Variants in RAB27A observed in about 807,000 individuals in gnomAD.
The protein encoded by RAB27A is RAB27A, member RAS oncogene family.
RAB27A carries 17 observed loss-of-function variants against 20.8 expected under a neutral mutation model. The observed-to-expected ratio is 0.82, with a 90% CI of 0.56 to 1.23. The LOEUF is 1.23. Ranked by LOEUF, RAB27A falls within the 50% of genes most tolerant of loss-of-function variation. The probability of loss-of-function intolerance (pLI) is 0.00; values close to 1 mark genes in which losing one functional copy is unlikely to be tolerated. For missense variants in RAB27A, 277 were observed against 266.7 expected, an observed-to-expected ratio of 1.04 and a Z score of -0.27; for synonymous variants, 85 against 92.8, an observed-to-expected ratio of 0.92 and a Z score of 0.48.
intron 6 of RAB27A, among the ~76,000 whole-genome samples, chr15:55,215,780 T>C (rs1158613515): frequency 6.7e-6 from 1 of 150,282 alleles, no homozygotes; most frequent in Non-Finnish European, 1.5e-5. Flanking sequence ...ACCCCGTCTC[T>C]ACTAAAAATA....
At position 55,217,287 on chromosome 15, in the gene RAB27A, T is replaced by C. The variant is rs74885266; in HGVS notation, c.467+6602A>G. Among the ~76,000 whole-genome samples, 683 of 152,216 alleles carry C rather than the reference T, an allele frequency of 4.5e-3. 11 individuals are homozygous for C. The highest frequency in any genetic ancestry group is 0.016 in the African/African-American group (655 of 41,536). ...CACTCCACTCTCAGCTCTGTGCCAGTAATTGGGCTGTAATCTCATCTAGCA... is the reference window on the plus strand; with the variant it reads ...CACTCCACTCTCAGCTCTGTGCCAGCAATTGGGCTGTAATCTCATCTAGCA... On this transcript the variant is annotated intron_variant, in intron 6 of 6. Coordinates refer to ENST00000336787, the MANE Select transcript of RAB27A (RefSeq NM_183235.3).
chr15:55,266,955 T>G (rs1364796715), intron 2 of RAB27A, among the ~76,000 whole-genome samples: 1 of 152,170 alleles, frequency 6.6e-6, no homozygotes, highest in Non-Finnish European at 1.5e-5. Flanking sequence ...TAATAGTATT[T>G]CCTTAGGCCA....
At chr15:55,303,750 C>T (rs1256601426) in intron 2 of RAB27A, among the ~76,000 whole-genome samples, 3,250 of 131,342 alleles carry the variant, frequency 0.025, 123 homozygotes, top group African/African-American at 0.1. Context: ...AGTGAGGAGC[C>T]CCTCTGCCCG....
chr15:55,208,347 A>C (rs1367852444), intron 6 of RAB27A, among the ~76,000 whole-genome samples: 2 of 152,250 alleles, frequency 1.3e-5, no homozygotes, highest in Admixed American at 6.5e-5. Flanking sequence ...TTTAGCTAAA[A>C]GTAACCGAAA....
chr15:55,218,341 A>G (rs1428539869), intron 6 of RAB27A, among the ~76,000 whole-genome samples: 1 of 152,240 alleles, frequency 6.6e-6, no homozygotes, highest in Non-Finnish European at 1.5e-5. Context: ...AGCTCTGTGA[A>G]TCAGTCTTGT....
intron 6 of RAB27A, among the ~76,000 whole-genome samples, chr15:55,209,929 T>A (rs1379476226): frequency 8.2e-6 from 1 of 122,264 alleles, no homozygotes; most frequent in Admixed American, 7.4e-5. Flanking sequence ...TACACACATA[T>A]ATGTATGTAC....
intron 6 of RAB27A, among the ~76,000 whole-genome samples, chr15:55,209,714 C>A (rs1478964393): frequency 6.7e-6 from 1 of 148,314 alleles, no homozygotes; most frequent in East Asian, 2.0e-4. Context: ...AAGAAAACTT[C>A]CACTAATATA....
intron 1 of RAB27A, among the ~76,000 whole-genome samples, chr15:55,287,004 C>T (rs978062449): frequency 2.0e-5 from 3 of 150,260 alleles, no homozygotes; most frequent in Admixed American, 6.6e-5. Flanking sequence ...ACTGCAACCT[C>T]CGCCTCCTGG....
At chr15:55,211,004 C>T (rs1895000505) in intron 6 of RAB27A, among the ~76,000 whole-genome samples, 2 of 152,148 alleles carry the variant, frequency 1.3e-5, no homozygotes, top group South Asian at 4.1e-4. Context: ...TTCCCAGCAT[C>T]ATTTATTGAA....
rs917405124 is a variant in RAB27A, at chr15:55,270,184, G to A, written c.-42C>T. The A allele has an allele frequency of 3.3e-5, 5 of 151,308 alleles. No individual in the cohort carries two copies. The highest frequency in any genetic ancestry group is 1.9e-4 in the East Asian group (1 of 5,172). The allele number at this position is 151,308 out of a possible 1,614,324, so 9.4% of individuals were successfully genotyped here. A position where few individuals can be genotyped will look rare whatever the true frequency, so the allele number is the denominator to read the frequency against. ...CCATACCTTTACAGGGTAGAGAACC[G>A]CTTGTTATGATTTTCTAAAACGTTA... On this transcript the variant is annotated 5_prime_UTR_variant, in exon 2 of 7. Coordinates refer to ENST00000336787, the MANE Select transcript of RAB27A (RefSeq NM_183235.3).
intron 5 of RAB27A, among the ~76,000 whole-genome samples, chr15:55,225,382 T>C (rs1895756986): frequency 6.6e-6 from 1 of 152,198 alleles, no homozygotes; most frequent in Admixed American, 6.5e-5. Flanking sequence ...CTACTTACTT[T>C]ATACAGTCAA....
upstream of RAB27A, among the ~76,000 whole-genome samples, chr15:55,294,682 C>T (rs550326788): frequency 1.9e-4 from 28 of 143,800 alleles, no homozygotes; most frequent in African/African-American, 6.9e-4. Context: ...CAAAAATTAA[C>T]TCAAAATGAA....
rs1382845841 is a variant in RAB27A at position 55,210,083 on chromosome 15, T to C, written c.468-4378A>G. ...ATATGTGTGTGTACATATACATATA[T>C]ACACATATATGTGTGTATATATACA... is the stretch of plus-strand genomic sequence containing the variant. On this transcript the variant is annotated intron_variant, in intron 6 of 6. Transcript: ENST00000336787. Among the ~76,000 whole-genome samples the C allele has an allele frequency of 1.0e-3, 138 of 134,828 alleles. 1 individual carries two copies. Among genetic ancestry groups the C allele is most frequent in the African/African-American group, 3.7e-3 (125 of 33,376 alleles). 88.5% of individuals were successfully genotyped at this position (134,828 alleles called of 152,430 possible).
At position 55,209,878 on chromosome 15, in the gene RAB27A, G is replaced by GTGTGTATACATATATACATATA. The variant is rs1566896298; in HGVS notation, c.468-4174_468-4173insTATATGTATATATGTATACACA. 2.1e-3 allele frequency among the ~76,000 whole-genome samples: 10 copies of GTGTGTATACATATATACATATA among 4,736 alleles called. 3 individuals carry two copies. In the South Asian group the frequency reaches 0.11, roughly 53 times the overall value. 3.1% of individuals were successfully genotyped at this position (4,736 alleles called of 152,430 possible). A position where few individuals can be genotyped will look rare whatever the true frequency, so the allele number is the denominator to read the frequency against. On this transcript the variant is annotated intron_variant, in intron 6 of 6. Coordinates refer to ENST00000336787, the MANE Select transcript of RAB27A (RefSeq NM_183235.3). ...TGTGTATATACATATATACATATATGTGTGTGTATACATATATACACATAT... is the reference window on the plus strand; with the variant it reads ...TGTGTATATACATATATACATATATGTGTGTATACATATATACATATATGTGTGTATACATATATACACATAT...
intron 1 of RAB27A, among the ~76,000 whole-genome samples, chr15:55,316,135 G>A (rs973777254): frequency 6.6e-6 from 1 of 151,788 alleles, no homozygotes; most frequent in Admixed American, 6.6e-5. Flanking sequence ...CGTAGGCTGA[G>A]GCAGAACTGC....
chr15:55,253,104 C>A (rs1896953265), intron 2 of RAB27A, among the ~76,000 whole-genome samples: 1 of 149,574 alleles, frequency 6.7e-6, no homozygotes, highest in South Asian at 2.1e-4. Context: ...TGCACTCCAG[C>A]CTGGGTGACA....
At chr15:55,215,638 C>T (rs1163968161) in intron 6 of RAB27A, among the ~76,000 whole-genome samples, 10 of 95,078 alleles carry the variant, frequency 1.1e-4, no homozygotes, top group African/African-American at 4.6e-4. Context: ...GGCGACAGAG[C>T]GAGACTCCGT....
rs377353716 is a variant in RAB27A, at chr15:55,215,397, C to A, written c.467+8492G>T. 4.8e-4 allele frequency among the ~76,000 whole-genome samples: 72 copies of A among 149,828 alleles called. No individual in the cohort carries two copies. The East Asian group carries it at 0.01, about 21-fold the overall frequency. ...GCCGGGCGCGGTGGCTCACGCCTGTCATCCCAGCACTTTGGGAGGCCGAGG... is the reference window on the plus strand; with the variant it reads ...GCCGGGCGCGGTGGCTCACGCCTGTAATCCCAGCACTTTGGGAGGCCGAGG... On this transcript the variant is annotated intron_variant, in intron 6 of 6. Transcript: ENST00000336787.
intron 6 of RAB27A, among the ~76,000 whole-genome samples, chr15:55,220,672 A>T (rs1425793186): frequency 6.6e-6 from 1 of 152,256 alleles, no homozygotes; most frequent in Non-Finnish European, 1.5e-5. Flanking sequence ...GATATGCCAT[A>T]AACTTTATCC....
Sources: gnomAD v4.1 joint callset for allele counts (sites outside exome capture counted in the v4.1 genomes callset) on GRCh38, gnomAD v4.1.1 for gene constraint, MANE v1.5 for transcripts, NCBI Gene and HGNC (gene_info 2026-07-23, HGNC 2026-07-21) for gene names.